TCF7L1: variants seen among roughly 807,000 people sequenced by gnomAD.
TCF7L1 encodes the protein transcription factor 7 like 1.
Under a neutral mutation model 63.7 loss-of-function variants are expected in TCF7L1, and 18 were observed. The ratio of observed to expected loss-of-function variants is 0.28; its 90% confidence interval spans 0.20 to 0.42. The LOEUF is 0.42. Ranked by LOEUF, TCF7L1 falls within the 10% of genes least tolerant of loss-of-function variation. TCF7L1 has a pLI of 1.00. For missense variants in TCF7L1, 654 were observed against 779.3 expected, an observed-to-expected ratio of 0.84 and a Z score of 1.91; for synonymous variants, 355 against 340.9, an observed-to-expected ratio of 1.04 and a Z score of -0.46.
intron 3 of TCF7L1, among the ~76,000 whole-genome samples, chr2:85,162,398 C>G (rs992861705): frequency 6.6e-6 from 1 of 152,144 alleles, no homozygotes; most frequent in African/African-American, 2.4e-5. Flanking sequence ...CCAGGCTGCT[C>G]TGTGGATCCA....
intron 3 of TCF7L1, among the ~76,000 whole-genome samples, chr2:85,252,452 C>G (rs1680614044): frequency 6.6e-6 from 1 of 152,138 alleles, no homozygotes; most frequent in Non-Finnish European, 1.5e-5. Context: ...ACTCTACTAC[C>G]CTGACCCAAG....
At chr2:85,176,986 C>CA (rs774094748) in intron 3 of TCF7L1, among the ~76,000 whole-genome samples, 12,970 of 65,742 alleles carry the variant, frequency 0.2, 1,114 homozygotes, top group Admixed American at 0.23. Context: ...GACTCTGTCT[C>CA]AAAAAAAAAA....
intron 3 of TCF7L1, among the ~76,000 whole-genome samples, chr2:85,235,826 AGCCTAG>A (rs1251237767): frequency 6.6e-6 from 1 of 152,094 alleles, no homozygotes; most frequent in Non-Finnish European, 1.5e-5. Flanking sequence ...ATTCAAGATC[AGCCTAG>A]GTAACATAGG....
intron 11 of TCF7L1, among the ~76,000 whole-genome samples, chr2:85,308,361 CTTTCT>C (rs1682169737): frequency 2.2e-5 from 2 of 92,038 alleles, no homozygotes; most frequent in African/African-American, 8.0e-5. Flanking sequence ...CCCTCCCTCC[CTTTCT>C]TCCTCCCTCC....
intron 3 of TCF7L1, among the ~76,000 whole-genome samples, chr2:85,264,437 G>A (rs1558650432): frequency 6.6e-6 from 1 of 152,198 alleles, no homozygotes; most frequent in Non-Finnish European, 1.5e-5. Flanking sequence ...CACCTGGTCA[G>A]TGATTGGGTT....
intron 3 of TCF7L1, among the ~76,000 whole-genome samples, chr2:85,211,916 C>T (rs1260778525): frequency 1.3e-5 from 2 of 151,948 alleles, no homozygotes; most frequent in African/African-American, 4.8e-5. Flanking sequence ...ATGATGAAAC[C>T]CCATCTCTAG....
chr2:85,185,723 G>C (rs1227679211), intron 3 of TCF7L1, among the ~76,000 whole-genome samples: 1 of 152,128 alleles, frequency 6.6e-6, no homozygotes, highest in Non-Finnish European at 1.5e-5. Context: ...CCTGGCTTGG[G>C]GTTAGGACAT....
intron 3 of TCF7L1, among the ~76,000 whole-genome samples, chr2:85,273,291 G>T (rs1258121025): frequency 6.6e-6 from 1 of 152,218 alleles, no homozygotes; most frequent in Non-Finnish European, 1.5e-5. Flanking sequence ...GACCCCTCCT[G>T]TGTTTCACCT....
chr2:85,164,102 C>T (rs1006763747), intron 3 of TCF7L1, among the ~76,000 whole-genome samples: 2 of 152,124 alleles, frequency 1.3e-5, no homozygotes, highest in East Asian at 1.9e-4. Flanking sequence ...CAGCCTTTAA[C>T]GGGTAGCTGC....
chr2:85,184,851 C>A (rs577473989), intron 3 of TCF7L1, among the ~76,000 whole-genome samples: 2 of 151,862 alleles, frequency 1.3e-5, no homozygotes, highest in Admixed American at 6.6e-5. Flanking sequence ...TTTGGCCAGG[C>A]GGGCTGGGCT....
chr2:85,185,086 T>A (rs1678887276), intron 3 of TCF7L1, among the ~76,000 whole-genome samples: 1 of 152,136 alleles, frequency 6.6e-6, no homozygotes, highest in Non-Finnish European at 1.5e-5. Flanking sequence ...TAGCCCCAGA[T>A]GAAGAATTTC....
chr2:85,201,175 C>A (rs1359849954), intron 3 of TCF7L1, among the ~76,000 whole-genome samples: 1 of 152,196 alleles, frequency 6.6e-6, no homozygotes. Flanking sequence ...TGCACTCTAG[C>A]CTGGGCTACA....
Position 85,133,765 on chromosome 2 carries a change from C to T in TCF7L1, c.81C>T (p.Gly27=). The T allele has an allele frequency of 1.6e-6, 2 of 1,245,672 alleles. No homozygotes were observed. Among genetic ancestry groups the T allele is most frequent in the Non-Finnish European group, 2.0e-6 (2 of 993,512 alleles). 77.2% of individuals were successfully genotyped at this position (1,245,672 alleles called of 1,614,324 possible). A position where few individuals can be genotyped will look rare whatever the true frequency, so the allele number is the denominator to read the frequency against. Residue 27 remains glycine, a synonymous_variant, in exon 1 of 12, where the codon GGC becomes GGT. Coordinates refer to ENST00000282111, the MANE Select transcript of TCF7L1 (RefSeq NM_031283.3). The surrounding 1 kb of genome is among the most constrained non-coding windows in gnomAD (Gnocchi z 4.4). ...GCGGCTCCAGCGCCGGGGCGGCCGG[C>T]GGAGGGGACGACCTCGGGGCGAACG... ...GGGGSSAGAA[G]GGDDLGANDE...
At chr2:85,242,630 G>GAAGGCCTA (rs1373942113) in intron 3 of TCF7L1, among the ~76,000 whole-genome samples, 9 of 152,202 alleles carry the variant, frequency 5.9e-5, no homozygotes, top group African/African-American at 2.2e-4. Flanking sequence ...TGCACACCCT[G>GAAGGCCTA]TATAGAAGGC....
intron 3 of TCF7L1, among the ~76,000 whole-genome samples, chr2:85,256,949 C>T (rs1169618639): frequency 6.6e-6 from 1 of 151,720 alleles, no homozygotes; most frequent in Admixed American, 6.6e-5. Flanking sequence ...CACCATTGCA[C>T]TCCAGCCTGG....
chr2:85,143,110 C>T (rs1156831863), intron 3 of TCF7L1, among the ~76,000 whole-genome samples: 1 of 152,132 alleles, frequency 6.6e-6, no homozygotes, highest in Non-Finnish European at 1.5e-5. Context: ...ATCTGGGGTC[C>T]TCAGGACAGG....
intron 3 of TCF7L1, among the ~76,000 whole-genome samples, chr2:85,196,511 G>C (rs1334232717): frequency 6.6e-6 from 1 of 152,036 alleles, no homozygotes; most frequent in Non-Finnish European, 1.5e-5. Flanking sequence ...GGCCGGGCCT[G>C]GTGGTAGGTC....
intron 3 of TCF7L1, among the ~76,000 whole-genome samples, chr2:85,225,577 TTGTC>T (rs1679938275): frequency 6.6e-6 from 1 of 152,080 alleles, no homozygotes; most frequent in Non-Finnish European, 1.5e-5. Flanking sequence ...GGCTCTCTGT[TTGTC>T]TGTTATTGGT....
At chr2:85,289,221 A>AGTGTGT (rs10701623) in intron 4 of TCF7L1, among the ~76,000 whole-genome samples, 4,511 of 146,468 alleles carry the variant, frequency 0.031, 88 homozygotes, top group African/African-American at 0.052. Context: ...TTCAGTCTGG[A>AGTGTGT]GTGTGTGTGT....
Sources: gnomAD v4.1 joint callset for allele counts (sites outside exome capture counted in the v4.1 genomes callset) on GRCh38, gnomAD v4.1.1 for gene constraint, Gnocchi (gnomAD v3.1) non-coding constraint, MANE v1.5 for transcripts, NCBI Gene and HGNC (gene_info 2026-07-23, HGNC 2026-07-21) for gene names.